The following CNTN5 variants were observed in gnomAD, a reference collection of about 807,000 sequenced individuals.
CNTN5 encodes contactin-5.
A neutral mutation model predicts 129.1 loss-of-function variants in CNTN5; 77 were observed. The ratio of observed to expected loss-of-function variants is 0.60; its 90% confidence interval spans 0.50 to 0.72. CNTN5 has a LOEUF of 0.72. Ranked by LOEUF, CNTN5 falls within the 30% of genes least tolerant of loss-of-function variation. The pLI is 0.00. For missense variants in CNTN5, 1,478 were observed against 1,328.8 expected (o/e 1.11, Z -1.75); for synonymous variants, 509 against 465.6 (o/e 1.09, Z -1.20).
At chr11:99,022,144 CATTT>C (rs769743011) in intron 1 of CNTN5, among the ~76,000 whole-genome samples, 11 of 152,096 alleles carry the variant, frequency 7.2e-5, no homozygotes, top group Admixed American at 3.9e-4. Flanking sequence ...ACATTTCATT[CATTT>C]GTTTCTTAAT....
chr11:99,098,714 TTC>T (rs1491086783), intron 1 of CNTN5, among the ~76,000 whole-genome samples: 1 of 152,166 alleles, frequency 6.6e-6, no homozygotes, highest in Non-Finnish European at 1.5e-5. Flanking sequence ...ATGTACATTT[TTC>T]TTTCAATTAC....
chr11:99,468,501 G>A (rs937823991), intron 2 of CNTN5, among the ~76,000 whole-genome samples: 5 of 152,062 alleles, frequency 3.3e-5, no homozygotes, highest in Non-Finnish European at 5.9e-5. Context: ...TCTAGCTGCC[G>A]CCAACAGCCT....
intron 1 of CNTN5, among the ~76,000 whole-genome samples, chr11:99,131,594 A>G (rs1051160304): frequency 1.3e-5 from 2 of 152,202 alleles, no homozygotes; most frequent in African/African-American, 4.8e-5. Context: ...CAGAAACACA[A>G]TCAGCCATCA....
chr11:99,226,694 ATAAT>A (rs140685344), intron 1 of CNTN5, among the ~76,000 whole-genome samples: 15,447 of 152,164 alleles, frequency 0.1, 926 homozygotes, highest in East Asian at 0.27. Context: ...CTCCCTCTAA[ATAAT>A]AAGTTCCTAA....
At chr11:99,438,792 A>T (rs1673115181) in intron 2 of CNTN5, among the ~76,000 whole-genome samples, 2 of 152,156 alleles carry the variant, frequency 1.3e-5, no homozygotes, top group Admixed American at 1.3e-4. Flanking sequence ...AGTTCATAAA[A>T]ATACATATAT....
chr11:100,179,520 T>C (rs1412019117), intron 13 of CNTN5, among the ~76,000 whole-genome samples: 3 of 152,072 alleles, frequency 2.0e-5, no homozygotes, highest in Non-Finnish European at 4.4e-5. Context: ...AAGATAAAAA[T>C]AGCCAAATAA....
intron 2 of CNTN5, among the ~76,000 whole-genome samples, chr11:99,371,086 TGC>T (rs1342054840): frequency 6.6e-6 from 1 of 152,194 alleles, no homozygotes; most frequent in Non-Finnish European, 1.5e-5. Context: ...TTTCTATTTT[TGC>T]TCATTTGTTT....
chr11:100,065,238 C>T (rs556188750), intron 10 of CNTN5, among the ~76,000 whole-genome samples: 29 of 152,130 alleles, frequency 1.9e-4, no homozygotes, highest in African/African-American at 6.5e-4. Context: ...AAATGTTAAT[C>T]GCTTCTATCG....
intron 21 of CNTN5, among the ~76,000 whole-genome samples, chr11:100,327,831 TAGAA>T (rs1438088613): frequency 1.1e-4 from 17 of 152,156 alleles, no homozygotes; most frequent in Non-Finnish European, 1.9e-4. Flanking sequence ...AACTGATTAA[TAGAA>T]AGACAAAATT....
chr11:99,376,316 A>G (rs981338396), intron 2 of CNTN5, among the ~76,000 whole-genome samples: 1 of 152,290 alleles, frequency 6.6e-6, no homozygotes, highest in South Asian at 2.1e-4. Flanking sequence ...ACTGAGGACC[A>G]CAATTCACTG....
At chr11:100,171,361 T>C (rs1947820281) in intron 13 of CNTN5, among the ~76,000 whole-genome samples, 1 of 151,992 alleles carries the variant, frequency 6.6e-6, no homozygotes, top group East Asian at 1.9e-4. Flanking sequence ...TTTAGATATT[T>C]ATGCAGACAA....
In CNTN5 at chr11:99,679,070, T is replaced by C. The variant is rs138695098; in HGVS notation, c.55+122801T>C. Reference sequence around the variant, plus strand: ...ATTTTATATATACTTATATATGTCTTCTATATATAGGAAATACATATACAC... The same window carrying C: ...ATTTTATATATACTTATATATGTCTCCTATATATAGGAAATACATATACAC... On this transcript the variant is annotated intron_variant, in intron 3 of 24. Transcript: ENST00000524871. Among the ~76,000 whole-genome samples, 362 of 146,576 alleles carry C rather than the reference T, an allele frequency of 2.5e-3. 2 individuals carry two copies. The highest frequency in any genetic ancestry group is 8.5e-3 in the African/African-American group (343 of 40,140).
At chr11:99,676,665 A>G (rs1953297543) in intron 3 of CNTN5, among the ~76,000 whole-genome samples, 1 of 152,216 alleles carries the variant, frequency 6.6e-6, no homozygotes, top group Non-Finnish European at 1.5e-5. Flanking sequence ...AGAACTTAAG[A>G]AAAACATATG....
intron 1 of CNTN5, among the ~76,000 whole-genome samples, chr11:99,132,602 C>A (rs553488470): frequency 3.8e-4 from 58 of 152,164 alleles, no homozygotes; most frequent in African/African-American, 1.4e-3. Flanking sequence ...CATTCCTATA[C>A]ACCAACAACA....
chr11:99,733,485 G>A (rs1005590407), intron 3 of CNTN5, among the ~76,000 whole-genome samples: 31 of 151,968 alleles, frequency 2.0e-4, no homozygotes, highest in African/African-American at 7.5e-4. Context: ...AACTGGGAGG[G>A]TCTATGGAAA....
intron 3 of CNTN5, among the ~76,000 whole-genome samples, chr11:99,661,788 A>G (rs1952602425): frequency 6.6e-6 from 1 of 152,164 alleles, no homozygotes. Context: ...TGAGATTGGA[A>G]CACATAGGTT....
intron 17 of CNTN5, among the ~76,000 whole-genome samples, chr11:100,256,664 C>A (rs984115686): frequency 3.3e-5 from 5 of 152,038 alleles, no homozygotes; most frequent in Non-Finnish European, 5.9e-5. Flanking sequence ...GCTGAAGCAG[C>A]ATGGGGCATT....
intron 15 of CNTN5, among the ~76,000 whole-genome samples, chr11:100,197,292 G>A (rs909215635): frequency 6.6e-5 from 10 of 151,924 alleles, no homozygotes; most frequent in African/African-American, 2.4e-4. Flanking sequence ...CACTGATTTC[G>A]GAGCTATAAA....
chr11:99,980,201 AAATTACCAGCTATTTAAAAATCC>A (rs1938245335), intron 8 of CNTN5, among the ~76,000 whole-genome samples: 1 of 152,252 alleles, frequency 6.6e-6, no homozygotes, highest in African/African-American at 2.4e-5. Flanking sequence ...AACAAAAATC[AAATTACCAGCTATTTAAAAATCC>A]AATTACCAGC....
Sources: gnomAD v4.1 joint callset for allele counts (sites outside exome capture counted in the v4.1 genomes callset) on GRCh38, gnomAD v4.1.1 for gene constraint, MANE v1.5 for transcripts, NCBI Gene and HGNC (gene_info 2026-07-23, HGNC 2026-07-21) for gene names.